Variants in INPP5A observed in about 807,000 individuals in gnomAD.
INPP5A encodes the protein 43 kDa inositol polyphosphate 5-phophatase.
INPP5A carries 14 observed loss-of-function variants against 65.2 expected under a neutral mutation model. The observed-to-expected ratio is 0.21, with a 90% CI of 0.14 to 0.34. The LOEUF (loss-of-function observed/expected upper bound fraction) is 0.34. Ranked by LOEUF, INPP5A falls within the 10% of genes least tolerant of loss-of-function variation. INPP5A has a pLI of 1.00. For missense variants in INPP5A, 431 were observed against 545.6 expected (o/e 0.79, Z 2.09); for synonymous variants, 207 against 208.3 (o/e 0.99, Z 0.05).
chr10:132,613,589 T>G (rs2071988666), intron 2 of INPP5A, among the ~76,000 whole-genome samples: 1 of 152,260 alleles, frequency 6.6e-6, no homozygotes, highest in African/African-American at 2.4e-5. Context: ...TCAGTGACAC[T>G]TAGAACAGAG....
In INPP5A at chr10:132,587,432, G is replaced by A. The variant is rs2071558583; in HGVS notation, c.76-20483G>A. 6.6e-6 allele frequency among the ~76,000 whole-genome samples: 1 copy of A among 152,190 alleles called. No homozygotes were observed. Among genetic ancestry groups the A allele is most frequent in the East Asian group, 1.9e-4 (1 of 5,190 alleles). On this transcript the variant is annotated intron_variant, in intron 1 of 15. Coordinates refer to ENST00000368594, the MANE Select transcript of INPP5A (RefSeq NM_005539.5). This position sits in a 1 kb window ranked among gnomAD's most constrained non-coding sequence, Gnocchi z 4.3. ...TGGGGCTGGCAGGGATCCTGGCATG[G>A]CCTGTGTGATTCGAGGTCAGAAATC...
chr10:132,665,676 A>C (rs1055653326), intron 4 of INPP5A, among the ~76,000 whole-genome samples: 1 of 142,050 alleles, frequency 7.0e-6, no homozygotes, highest in Non-Finnish European at 1.5e-5. Flanking sequence ...AGGCAGGTGA[A>C]TTGCTTGAGT....
rs1184627846 is a variant in INPP5A, at chr10:132,663,485, T to C, written c.306+12980T>C. ...ATCCTCTTGCCTTGGCCTCTCAAAG[T>C]GCTGGGATTACAGGTGCGAACCACT... On this transcript the variant is annotated intron_variant, in intron 4 of 15. Transcript: ENST00000368594. This position sits in a 1 kb window ranked among gnomAD's most constrained non-coding sequence, Gnocchi z 4.5. Among the ~76,000 whole-genome samples, 1 of 152,220 alleles carries C rather than the reference T, an allele frequency of 6.6e-6. No homozygotes were observed. Among genetic ancestry groups the C allele is most frequent in the Non-Finnish European group, 1.5e-5 (1 of 68,034 alleles).
Position 132,757,329 on chromosome 10 carries a change from C to T in INPP5A, c.903+7484C>T, listed in dbSNP as rs115306964. On this transcript the variant is annotated intron_variant, in intron 11 of 15. Coordinates refer to ENST00000368594, the MANE Select transcript of INPP5A (RefSeq NM_005539.5). ...GTCCCAGCCCTGCCAGCTCCCTTCG[C>T]GAGCGGGGCTCCGCAGAGGTGCACG... 2.8e-3 allele frequency among the ~76,000 whole-genome samples: 422 copies of T among 152,384 alleles called. 6 individuals carry two copies. Among genetic ancestry groups the T allele is most frequent in the African/African-American group, 8.6e-3 (357 of 41,594 alleles).
rs1362975479 is a variant in INPP5A at position 132,659,078 on chromosome 10, G to A, written c.306+8573G>A. Reference sequence around the variant, plus strand: ...TGGGCCCTGGGGATGAGCAGCCCAGGAGGCGAAGATGCCTAGGTGGGTCCC... The same window carrying A: ...TGGGCCCTGGGGATGAGCAGCCCAGAAGGCGAAGATGCCTAGGTGGGTCCC... On this transcript the variant is annotated intron_variant, in intron 4 of 15. Transcript: ENST00000368594. This position sits in a 1 kb window ranked among gnomAD's most constrained non-coding sequence, Gnocchi z 5.5. Among the ~76,000 whole-genome samples the A allele has an allele frequency of 6.6e-6, 1 of 152,220 alleles. No homozygotes were observed. Among genetic ancestry groups the A allele is most frequent in the Non-Finnish European group, 1.5e-5 (1 of 68,042 alleles).
chr10:132,749,720 C>T (rs547626612), intron 10 of INPP5A, 51 bp from the exon 11 acceptor site: 38 of 1,596,784 alleles, frequency 2.4e-5, no homozygotes, highest in African/African-American at 6.7e-5. Flanking sequence ...CTAGGGGACA[C>T]GCACAAGGCT....
At chr10:132,611,617 G>A (rs2071952442) in intron 2 of INPP5A, among the ~76,000 whole-genome samples, 1 of 132,932 alleles carries the variant, frequency 7.5e-6, no homozygotes, top group Non-Finnish European at 1.6e-5. Flanking sequence ...AGGCAGGGGA[G>A]AGGCCCTGTC....
intron 2 of INPP5A, among the ~76,000 whole-genome samples, chr10:132,621,267 C>T (rs777559258): frequency 1.3e-5 from 2 of 152,200 alleles, no homozygotes; most frequent in Non-Finnish European, 2.9e-5. Flanking sequence ...TACTAAAAGA[C>T]TTAGCCAGCA....
intron 9 of INPP5A, among the ~76,000 whole-genome samples, chr10:132,744,428 C>A (rs985154404): frequency 6.6e-6 from 1 of 152,096 alleles, no homozygotes; most frequent in Non-Finnish European, 1.5e-5. Flanking sequence ...TGGGACACTG[C>A]GGCTCCACCG....
rs1846533655 is a variant in INPP5A at position 132,753,424 on chromosome 10, T to C, written c.903+3579T>C. Among the ~76,000 whole-genome samples, 1 of 152,332 alleles carries C rather than the reference T, an allele frequency of 6.6e-6. No homozygotes were observed. The highest frequency in any genetic ancestry group is 2.4e-5 in the African/African-American group (1 of 41,568). On this transcript the variant is annotated intron_variant, in intron 11 of 15. Transcript: ENST00000368594. The surrounding 1 kb of genome is among the most constrained non-coding windows in gnomAD (Gnocchi z 5.3). Reference sequence around the variant, plus strand: ...CGGTCTTGTACCCGTCTGACAGAAATTTAATTCAGGCTGGCTCCTGAAAAT... The same window carrying C: ...CGGTCTTGTACCCGTCTGACAGAAACTTAATTCAGGCTGGCTCCTGAAAAT...
chr10:132,664,897 T>G (rs1448428380), intron 4 of INPP5A, among the ~76,000 whole-genome samples: 1 of 152,244 alleles, frequency 6.6e-6, no homozygotes, highest in Non-Finnish European at 1.5e-5. Flanking sequence ...CACGTAGAGA[T>G]GCATCCTGCT....
At chr10:132,622,374 G>A (rs2072123252) in intron 2 of INPP5A, among the ~76,000 whole-genome samples, 2 of 108,294 alleles carry the variant, frequency 1.8e-5, no homozygotes, top group Admixed American at 9.7e-5. Flanking sequence ...AATATACCGC[G>A]TTCGTGGATT....
At chr10:132,560,325 T>G (rs998606952) in intron 1 of INPP5A, among the ~76,000 whole-genome samples, 1 of 152,226 alleles carries the variant, frequency 6.6e-6, no homozygotes, top group African/African-American at 2.4e-5. Context: ...TAATTCTGAC[T>G]TTTTAAGGAA....
chr10:132,646,707 T>C (rs761929007), intron 3 of INPP5A, among the ~76,000 whole-genome samples: 65 of 152,350 alleles, frequency 4.3e-4, no homozygotes, highest in Non-Finnish European at 8.1e-4. Flanking sequence ...CTTCACAGCA[T>C]GAGGGCTTCT....
At chr10:132,552,697 C>G in intron 1 of INPP5A, among the ~76,000 whole-genome samples, 1 of 128,492 alleles carries the variant, frequency 7.8e-6, no homozygotes, top group African/African-American at 3.0e-5. Flanking sequence ...GATTGGTGAA[C>G]GCCTTCTCAG....
At position 132,555,150 on chromosome 10, in the gene INPP5A, G is replaced by A. The variant is rs530072301; in HGVS notation, c.75+16979G>A. 6.6e-6 allele frequency among the ~76,000 whole-genome samples: 1 copy of A among 152,028 alleles called. No homozygotes were observed. The highest frequency in any genetic ancestry group is 2.4e-5 in the African/African-American group (1 of 41,452). ...GGTGTGGCTGGCGTGGTTAGTGGGT[G>A]GCATAGATGGCATGGTGGGGTGGGG... is the stretch of plus-strand genomic sequence containing the variant. On this transcript the variant is annotated intron_variant, in intron 1 of 15. Transcript: ENST00000368594. This position sits in a 1 kb window ranked among gnomAD's most constrained non-coding sequence, Gnocchi z 4.4.
chr10:132,548,392 G>A (rs1468553306), intron 1 of INPP5A, among the ~76,000 whole-genome samples: 2 of 152,142 alleles, frequency 1.3e-5, no homozygotes, highest in African/African-American at 4.8e-5. Context: ...GCCCGTTGCC[G>A]GTGGCCCGGG....
chr10:132,649,401 G>A (rs1235879036), intron 3 of INPP5A, among the ~76,000 whole-genome samples: 1 of 152,230 alleles, frequency 6.6e-6, no homozygotes, highest in Non-Finnish European at 1.5e-5. Context: ...TTCACGTGGT[G>A]TTGCTGCTTC....
chr10:132,687,363 G>A (rs1253928324), intron 4 of INPP5A, among the ~76,000 whole-genome samples: 8 of 152,214 alleles, frequency 5.3e-5, no homozygotes, highest in Admixed American at 2.0e-4. Context: ...TGTCACAGCC[G>A]AGTGCATCAT....
Sources: gnomAD v4.1 joint callset for allele counts (sites outside exome capture counted in the v4.1 genomes callset) on GRCh38, gnomAD v4.1.1 for gene constraint, Gnocchi (gnomAD v3.1) non-coding constraint, MANE v1.5 for transcripts, NCBI Gene and HGNC (gene_info 2026-07-23, HGNC 2026-07-21) for gene names.